Variants in OCA2 observed in about 807,000 individuals in gnomAD.
OCA2 encodes P protein.
A neutral mutation model predicts 100.2 loss-of-function variants in OCA2; 77 were observed. The ratio of observed to expected loss-of-function variants is 0.77; its 90% CI spans 0.64 to 0.93. The LOEUF (loss-of-function observed/expected upper bound fraction) is 0.93. Among genes scored for constraint, OCA2 ranks in the 40% least tolerant of loss-of-function variants. The probability of loss-of-function intolerance (pLI) is 0.00; values close to 1 mark genes in which losing one functional copy is unlikely to be tolerated. For synonymous variants in OCA2, 432 were observed against 439.2 expected, an observed-to-expected ratio of 0.98 and a Z score of 0.21; for missense variants, 1,062 against 1,089.1, an observed-to-expected ratio of 0.98 and a Z score of 0.35.
intron 19 of OCA2, among the ~76,000 whole-genome samples, chr15:27,892,440 C>G (rs2151602187): frequency 6.6e-6 from 1 of 152,082 alleles, no homozygotes; most frequent in Non-Finnish European, 1.5e-5. Flanking sequence ...GGAAATTAAC[C>G]AACATACTTC....
intron 23 of OCA2, among the ~76,000 whole-genome samples, chr15:27,801,667 C>T (rs2151177649): frequency 6.7e-6 from 1 of 150,080 alleles, no homozygotes; most frequent in South Asian, 2.1e-4. Context: ...TAATTCACTA[C>T]ATTAACAAAC....
intron 21 of OCA2, among the ~76,000 whole-genome samples, chr15:27,854,846 C>G (rs1263127359): frequency 6.6e-6 from 1 of 152,120 alleles, no homozygotes; most frequent in Non-Finnish European, 1.5e-5. Flanking sequence ...CCACCCGGAA[C>G]AAGGAGACAG....
intron 23 of OCA2, among the ~76,000 whole-genome samples, chr15:27,835,527 C>T (rs1178451986): frequency 3.9e-5 from 6 of 152,210 alleles, no homozygotes; most frequent in African/African-American, 1.4e-4. Flanking sequence ...ACCAGCTGCC[C>T]TTTCAAATTC....
intron 21 of OCA2, among the ~76,000 whole-genome samples, chr15:27,870,769 G>GGAAA (rs200734139): frequency 1.3e-4 from 18 of 142,492 alleles, no homozygotes; most frequent in South Asian, 4.5e-4. Context: ...AAGACAGAAA[G>GGAAA]GAAAGAAAGA....
chr15:27,900,318 A>T (rs1186750375), intron 19 of OCA2, among the ~76,000 whole-genome samples: 4 of 152,142 alleles, frequency 2.6e-5, no homozygotes, highest in Non-Finnish European at 5.9e-5. Flanking sequence ...AGGAACACCC[A>T]GAACATTCTT....
At chr15:27,863,086 A>G (rs1187941369) in intron 21 of OCA2, among the ~76,000 whole-genome samples, 1 of 151,974 alleles carries the variant, frequency 6.6e-6, no homozygotes, top group African/African-American at 2.4e-5. Flanking sequence ...GGCAGGGCTG[A>G]CCTGACAGGT....
chr15:27,879,027 G>A (rs2151533646), intron 19 of OCA2, among the ~76,000 whole-genome samples: 1 of 152,038 alleles, frequency 6.6e-6, no homozygotes, highest in Non-Finnish European at 1.5e-5. Flanking sequence ...CCCTTGACAG[G>A]ATCCAGTGTG....
chr15:28,066,648 C>T (rs539599054), intron 2 of OCA2, among the ~76,000 whole-genome samples: 1 of 152,228 alleles, frequency 6.6e-6, no homozygotes, highest in East Asian at 1.9e-4. Flanking sequence ...TTTTTAATGG[C>T]CCTACAAAGC....
At chr15:28,091,303 C>T (rs1267492318) in intron 1 of OCA2, among the ~76,000 whole-genome samples, 1 of 152,092 alleles carries the variant, frequency 6.6e-6, no homozygotes. Flanking sequence ...ATGAGGTATA[C>T]CTCATCAGTG....
intron 19 of OCA2, among the ~76,000 whole-genome samples, chr15:27,877,493 G>A (rs1166506167): frequency 6.6e-6 from 1 of 151,868 alleles, no homozygotes; most frequent in East Asian, 1.9e-4. Context: ...TGCATCTTGA[G>A]TATTTACCAG....
At chr15:27,900,909 C>A (rs1017963122) in intron 19 of OCA2, among the ~76,000 whole-genome samples, 1 of 152,174 alleles carries the variant, frequency 6.6e-6, no homozygotes, top group African/African-American at 2.4e-5. Flanking sequence ...ATAAAAACCA[C>A]GTATCTGAAG....
At chr15:27,845,704 C>T (rs375941352) in intron 22 of OCA2, among the ~76,000 whole-genome samples, 144 of 152,296 alleles carry the variant, frequency 9.5e-4, no homozygotes, top group African/African-American at 2.9e-3. Context: ...CCTCCTCCGT[C>T]GCTCCCAGCC....
At chr15:27,964,541 A>T in intron 15 of OCA2, among the ~76,000 whole-genome samples, 1 of 152,194 alleles carries the variant, frequency 6.6e-6, no homozygotes, top group Non-Finnish European at 1.5e-5. Context: ...CTAGCCGCTC[A>T]GGACTCTAAG....
chr15:27,742,869 C>T, the OCA2 span, among the ~76,000 whole-genome samples: 8 of 152,186 alleles, frequency 5.3e-5, no homozygotes, highest in Admixed American at 2.0e-4. Flanking sequence ...GTGAAGGAAG[C>T]GGGAGAAAAT....
At chr15:28,021,046 T>C (rs1419947847) in intron 6 of OCA2, among the ~76,000 whole-genome samples, 1 of 152,230 alleles carries the variant, frequency 6.6e-6, no homozygotes, top group Non-Finnish European at 1.5e-5. Flanking sequence ...AAAATTTCAG[T>C]TCACTGAGGC....
chr15:27,743,561 C>G, the OCA2 span, among the ~76,000 whole-genome samples: 1 of 152,174 alleles, frequency 6.6e-6, no homozygotes, highest in African/African-American at 2.4e-5. Context: ...AACAGCACAC[C>G]TCTGTCCATA....
At chr15:27,720,225 T>C in the OCA2 span, among the ~76,000 whole-genome samples, 1 of 151,984 alleles carries the variant, frequency 6.6e-6, no homozygotes, top group Non-Finnish European at 1.5e-5. Flanking sequence ...CAAACGTCCA[T>C]TAAGAGTGAA....
chr15:27,766,700 G>A (rs1008353770), intron 23 of OCA2, among the ~76,000 whole-genome samples: 1 of 152,148 alleles, frequency 6.6e-6, no homozygotes, highest in Non-Finnish European at 1.5e-5. Flanking sequence ...CCAGTACCAA[G>A]GCAGCCTCGC....
intron 21 of OCA2, among the ~76,000 whole-genome samples, chr15:27,856,955 C>T (rs1459405573): frequency 6.6e-6 from 1 of 152,170 alleles, no homozygotes; most frequent in Admixed American, 6.5e-5. Flanking sequence ...AAATGTTCAG[C>T]TCTTAACAAA....
Sources: gnomAD v4.1 joint callset for allele counts (sites outside exome capture counted in the v4.1 genomes callset) on GRCh38, gnomAD v4.1.1 for gene constraint, MANE v1.5 for transcripts, NCBI Gene and HGNC (gene_info 2026-07-23, HGNC 2026-07-21) for gene names.